Variants in GDI2 observed in about 807,000 individuals in gnomAD.
GDI2 encodes rab GDP dissociation inhibitor beta.
Under a neutral mutation model 54.2 loss-of-function variants are expected in GDI2, and 22 were observed. The ratio of observed to expected loss-of-function variants is 0.41; its 90% CI spans 0.29 to 0.58. The LOEUF (loss-of-function observed/expected upper bound fraction) is 0.58, where lower values mean the gene tolerates loss of function less well. GDI2 is among the 20% of genes least tolerant of loss of function. GDI2 has a pLI of 0.35. For synonymous variants in GDI2, 177 were observed against 182.1 expected (o/e 0.97, Z 0.23); for missense variants, 422 against 546.0 (o/e 0.77, Z 2.26).
chr10:5,806,875 T>A (rs7095103), intron 1 of GDI2, among the ~76,000 whole-genome samples: 1 of 152,012 alleles, frequency 6.6e-6, no homozygotes, highest in Non-Finnish European at 1.5e-5. Context: ...AGCAAGCAAA[T>A]TGGAGTGTTG....
intron 6 of GDI2, among the ~76,000 whole-genome samples, chr10:5,779,237 AACGGTG>A (rs1425232379): frequency 6.6e-6 from 1 of 152,172 alleles, no homozygotes; most frequent in Non-Finnish European, 1.5e-5. Flanking sequence ...ATAGGCCGGG[AACGGTG>A]ACTCATGCCT....
chr10:5,772,004 C>T (rs1306292808), intron 7 of GDI2, among the ~76,000 whole-genome samples: 3 of 152,008 alleles, frequency 2.0e-5, no homozygotes, highest in Admixed American at 6.5e-5. Flanking sequence ...GCAGGAGAAT[C>T]ACTTGAACCC....
At position 5,774,920 on chromosome 10, in the gene GDI2, C is replaced by T. The variant is rs986454104; in HGVS notation, c.720-979G>A. On this transcript the variant is annotated intron_variant, in intron 6 of 10. Coordinates refer to ENST00000380191, the MANE Select transcript of GDI2 (RefSeq NM_001494.4). This position sits in a 1 kb window ranked among gnomAD's most constrained non-coding sequence, Gnocchi z 4.8. ...GGGAAGGGCAAGGGCAAGGGCAAGGCCAAGGGAAGGGTTGACCAGTAATAG... is the reference window on the plus strand; with the variant it reads ...GGGAAGGGCAAGGGCAAGGGCAAGGTCAAGGGAAGGGTTGACCAGTAATAG... 7.1e-6 allele frequency among the ~76,000 whole-genome samples: 1 copy of T among 140,126 alleles called. No homozygotes were observed. Among genetic ancestry groups the T allele is most frequent in the Non-Finnish European group, 1.6e-5 (1 of 61,258 alleles). The allele number at this position is 140,126 out of a possible 152,430, so 91.9% of individuals were successfully genotyped here.
At chr10:5,795,093 T>C in intron 3 of GDI2, 74 bp from the exon 4 acceptor site, 1 of 928,790 alleles carries the variant, frequency 1.1e-6, no homozygotes, top group Non-Finnish European at 1.7e-6. Flanking sequence ...TACTAACAGC[T>C]TCTAAAATTT....
Position 5,768,989 on chromosome 10 carries a change from T to A in GDI2, c.820-605A>T, listed in dbSNP as rs1299788854. ...TGAAAACAGGATTTCATGAAAATTT[T>A]AAAAATCTTGTGCATAGCCAGGCAT... On this transcript the variant is annotated intron_variant, in intron 7 of 10. Coordinates refer to ENST00000380191, the MANE Select transcript of GDI2 (RefSeq NM_001494.4). This position sits in a 1 kb window ranked among gnomAD's most constrained non-coding sequence, Gnocchi z 4.4. 2.0e-5 allele frequency: 3 copies of A among 152,142 alleles called. No individual in the cohort carries two copies. The highest frequency in any genetic ancestry group is 7.2e-5 in the African/African-American group (3 of 41,424). The allele number at this position is 152,142 out of a possible 1,614,324, so 9.4% of individuals were successfully genotyped here.
chr10:5,783,317 C>T (rs1369851555), intron 6 of GDI2, among the ~76,000 whole-genome samples: 1 of 104,378 alleles, frequency 9.6e-6, no homozygotes, highest in Non-Finnish European at 2.3e-5. Context: ...TTTTTCCACC[C>T]CTTTACCTTA....
At position 5,784,979 on chromosome 10, in the gene GDI2, A is replaced by G. The variant is rs575088521; in HGVS notation, c.719+163T>C. On this transcript the variant is annotated intron_variant, in intron 6 of 10. Coordinates refer to ENST00000380191, the MANE Select transcript of GDI2 (RefSeq NM_001494.4). ...ATAAAACTGGATTTTTTTTAACTGA[A>G]GATCCATGCATATCATTATATGTTA... Among the ~76,000 whole-genome samples, 140 of 148,320 alleles carry G rather than the reference A, an allele frequency of 9.4e-4. 1 individual carries two copies. Among genetic ancestry groups the G allele is most frequent in the South Asian group, 2.1e-3 (10 of 4,726 alleles).
chr10:5,793,943 C>T (rs1030436703), intron 4 of GDI2, among the ~76,000 whole-genome samples: 1 of 151,722 alleles, frequency 6.6e-6, no homozygotes, highest in Non-Finnish European at 1.5e-5. Context: ...GCAGGTGAAA[C>T]ACCTGAGGTC....
Position 5,808,074 on chromosome 10 carries a change from C to T in GDI2, c.45+5140G>A, listed in dbSNP as rs536343113. On this transcript the variant is annotated intron_variant, in intron 1 of 10. Coordinates refer to ENST00000380191, the MANE Select transcript of GDI2 (RefSeq NM_001494.4). ...TACCCTGGCTGGGCAAGGTGGCTCACGCCTGTAATCCTAACACTTTGGGAG... is the reference window on the plus strand; with the variant it reads ...TACCCTGGCTGGGCAAGGTGGCTCATGCCTGTAATCCTAACACTTTGGGAG... 1.2e-3 allele frequency among the ~76,000 whole-genome samples: 178 copies of T among 152,272 alleles called. 1 individual carries two copies. The highest frequency in any genetic ancestry group is 2.0e-3 in the Non-Finnish European group (134 of 68,012).
At chr10:5,786,165 ATT>A (rs35328258) in intron 4 of GDI2, 115 bp from the exon 5 acceptor site, 4,594 of 379,684 alleles carry the variant, frequency 0.012, no homozygotes, top group Middle Eastern at 0.018. Flanking sequence ...GCAGGATGCA[ATT>A]TTTTTTTTTT....
intron 4 of GDI2, among the ~76,000 whole-genome samples, chr10:5,794,214 T>A (rs537664553): frequency 0.045 from 4,337 of 96,676 alleles, 519 homozygotes; most frequent in Non-Finnish European, 0.071. Context: ...TATATATATA[T>A]ATATATATAT....
intron 1 of GDI2, among the ~76,000 whole-genome samples, chr10:5,809,803 G>A (rs1338273820): frequency 3.3e-5 from 5 of 152,180 alleles, no homozygotes; most frequent in Non-Finnish European, 7.3e-5. Flanking sequence ...AGTGTATCAC[G>A]CATGTGAACA....
intron 1 of GDI2, among the ~76,000 whole-genome samples, chr10:5,810,027 C>A (rs1190994043): frequency 6.6e-6 from 1 of 152,194 alleles, no homozygotes; most frequent in Non-Finnish European, 1.5e-5. Flanking sequence ...AGAACTCTAA[C>A]ACAGCTATAA....
chr10:5,813,194 CCCTCAGCCCTGGCG>C lies in GDI2; in HGVS notation c.45+6_45+19del, dbSNP rs1841513777. 1 of 1,525,392 alleles carries C rather than the reference CCCTCAGCCCTGGCG, an allele frequency of 6.6e-7. No individual in the cohort carries two copies. Among genetic ancestry groups the C allele is most frequent in the Non-Finnish European group, 8.9e-7 (1 of 1,125,348 alleles). The allele number at this position is 1,525,392 out of a possible 1,614,324, so 94.5% of individuals were successfully genotyped here. The stretch of plus-strand genomic sequence containing the variant: ...CCCGCCCCGGCTGCTCAGCCCCGGC[CCCTCAGCCCTGGCG>C]CCCACCGTCAGGCCGGTGCCCAGCA... On this transcript the variant is annotated splice_donor_region_variant and intron_variant, in intron 1 of 10. Transcript: ENST00000380191.
intron 2 of GDI2, 26 bp from the exon 3 acceptor site, chr10:5,796,888 T>C (rs190480912): frequency 8.9e-7 from 1 of 1,120,324 alleles, no homozygotes; most frequent in Admixed American, 1.9e-5. Context: ...AACATAGCCA[T>C]AATGTTAACA....
intron 1 of GDI2, among the ~76,000 whole-genome samples, chr10:5,809,228 G>A (rs1036697914): frequency 1.6e-5 from 2 of 123,936 alleles, no homozygotes; most frequent in Non-Finnish European, 3.5e-5. Flanking sequence ...CTGGGCAACA[G>A]AGTGAGACTC....
intron 4 of GDI2, 137 bp from the exon 5 acceptor site, chr10:5,786,187 T>TC (rs1224513433): frequency 1.6e-6 from 1 of 618,596 alleles, no homozygotes; most frequent in Non-Finnish European, 2.8e-6. Context: ...TTTTTTTTTT[T>TC]TGAGACAGAG....
At position 5,805,601 on chromosome 10, in the gene GDI2, T is replaced by C. The variant is rs78099434; in HGVS notation, c.46-4896A>G. Among the ~76,000 whole-genome samples the C allele has an allele frequency of 5.8e-4, 88 of 152,222 alleles. 2 individuals are homozygous for C. In the East Asian group the frequency reaches 0.015, roughly 26 times the overall value. On this transcript the variant is annotated intron_variant, in intron 1 of 10. Transcript: ENST00000380191. ...TCACTATGTAGCCCAGCCTTGGCCT[T>C]GCAAAGCAAGGTTTGCTCAAGCAAT... is the stretch of plus-strand genomic sequence containing the variant.
chr10:5,787,543 A>G (rs1200486299), intron 4 of GDI2, among the ~76,000 whole-genome samples: 1 of 152,222 alleles, frequency 6.6e-6, no homozygotes, highest in Non-Finnish European at 1.5e-5. Flanking sequence ...ATTAATGACA[A>G]CTGACTACAT....
Sources: allele counts gnomAD v4.1 joint callset (sites outside exome capture counted in the v4.1 genomes callset), GRCh38; gene constraint gnomAD v4.1.1; non-coding constraint Gnocchi (gnomAD v3.1); transcripts MANE v1.5; gene names NCBI Gene and HGNC (gene_info 2026-07-23, HGNC 2026-07-21).